CTNNA3: variants seen among roughly 807,000 people sequenced by gnomAD.
The protein encoded by CTNNA3 is catenin alpha 3.
In CTNNA3, 76 loss-of-function variants were observed where a neutral mutation model predicts 95.7. The ratio of observed to expected loss-of-function variants is 0.79; its 90% CI spans 0.66 to 0.96. CTNNA3 has a LOEUF of 0.96. CTNNA3 is among the 40% of genes least tolerant of loss of function. The pLI, the probability that CTNNA3 is intolerant of heterozygous loss-of-function variation, is 0.00. For synonymous variants in CTNNA3, 431 were observed against 374.4 expected (o/e 1.15, Z -1.74); for missense variants, 1,191 against 1,089.8 (o/e 1.09, Z -1.31).
intron 13 of CTNNA3, among the ~76,000 whole-genome samples, chr10:66,227,186 C>A (rs1432976729): frequency 1.3e-5 from 2 of 151,996 alleles, no homozygotes; most frequent in Non-Finnish European, 1.5e-5. Context: ...CTTTCTCTTG[C>A]CTAATTATTC....
intron 7 of CTNNA3, among the ~76,000 whole-genome samples, chr10:66,993,016 A>T (rs1224457704): frequency 2.0e-5 from 3 of 152,108 alleles, no homozygotes; most frequent in East Asian, 3.9e-4. Flanking sequence ...GAGGTTTTCT[A>T]AAAAATCATT....
intron 7 of CTNNA3, among the ~76,000 whole-genome samples, chr10:66,777,646 C>A (rs903760078): frequency 2.0e-5 from 3 of 152,004 alleles, no homozygotes; most frequent in African/African-American, 4.8e-5. Flanking sequence ...ACCTAAAGAA[C>A]CCAGCCCTTA....
chr10:66,456,929 A>T (rs956197610), intron 11 of CTNNA3, among the ~76,000 whole-genome samples: 1 of 151,978 alleles, frequency 6.6e-6, no homozygotes, highest in Non-Finnish European at 1.5e-5. Context: ...ACCCATCTCT[A>T]CAAATTTTTT....
At chr10:66,166,141 C>A (rs1008973460) in intron 13 of CTNNA3, among the ~76,000 whole-genome samples, 7 of 152,006 alleles carry the variant, frequency 4.6e-5, no homozygotes, top group Admixed American at 2.0e-4. Flanking sequence ...AAGAAGGTAA[C>A]TGCATTATTT....
intron 7 of CTNNA3, among the ~76,000 whole-genome samples, chr10:66,830,730 C>T (rs1017935114): frequency 2.6e-5 from 4 of 152,130 alleles, no homozygotes; most frequent in Non-Finnish European, 5.9e-5. Flanking sequence ...CTGCCTCAGC[C>T]TCCCGAGTAG....
At chr10:67,735,835 G>A (rs1841299730) in intron 1 of CTNNA3, among the ~76,000 whole-genome samples, 1 of 152,108 alleles carries the variant, frequency 6.6e-6, no homozygotes, top group Non-Finnish European at 1.5e-5. Context: ...CCTGAAAACA[G>A]ATGTTCAAAG....
rs1001458685 is a variant in CTNNA3 at position 66,950,500 on chromosome 10, CA to C, written c.1048-174977del. 3.9e-5 allele frequency among the ~76,000 whole-genome samples: 6 copies of C among 151,936 alleles called. No individual in the cohort carries two copies. In the East Asian group the frequency reaches 9.7e-4, roughly 24 times the overall value. ...CTCACTGAGACTCTAGTATATTAAA[CA>C]AAAGATCCTTATTTCCCTATCTTTG... On this transcript the variant is annotated intron_variant, in intron 7 of 17. Transcript: ENST00000433211.
At chr10:66,194,181 A>T (rs2086828715) in intron 13 of CTNNA3, among the ~76,000 whole-genome samples, 1 of 152,172 alleles carries the variant, frequency 6.6e-6, no homozygotes, top group African/African-American at 2.4e-5. Flanking sequence ...AAAACAGCAC[A>T]AAAATAGCAC....
At chr10:66,295,892 T>A (rs2091769750) in intron 12 of CTNNA3, among the ~76,000 whole-genome samples, 1 of 151,890 alleles carries the variant, frequency 6.6e-6, no homozygotes, top group African/African-American at 2.4e-5. Flanking sequence ...TGTATTAACA[T>A]TAACTCTTTT....
At chr10:67,443,951 T>C (rs1032443369) in intron 5 of CTNNA3, among the ~76,000 whole-genome samples, 1 of 152,214 alleles carries the variant, frequency 6.6e-6, no homozygotes, top group Admixed American at 6.5e-5. Context: ...AAGTCTTTAA[T>C]CCATCTTGAA....
rs540703797 is a variant in CTNNA3, at chr10:66,334,705, T to C, written c.1732+44447A>G. On this transcript the variant is annotated intron_variant, in intron 12 of 17. Coordinates refer to ENST00000433211, the MANE Select transcript of CTNNA3 (RefSeq NM_013266.4). ...TCAACTTTGGTGAATCTGACAATTA[T>C]GTGTCTTGGAGTTGCTCTTCTCGAG... Among the ~76,000 whole-genome samples the C allele has an allele frequency of 3.4e-3, 519 of 152,140 alleles. 5 individuals carry two copies. The highest frequency in any genetic ancestry group is 0.012 in the African/African-American group (487 of 41,542).
chr10:67,114,432 G>A (rs1859067554), intron 7 of CTNNA3, among the ~76,000 whole-genome samples: 1 of 151,982 alleles, frequency 6.6e-6, no homozygotes, highest in Non-Finnish European at 1.5e-5. Context: ...AAAAACATGA[G>A]TAAAAATCTA....
chr10:67,213,654 C>T (rs995944271), intron 6 of CTNNA3, among the ~76,000 whole-genome samples: 3 of 151,658 alleles, frequency 2.0e-5, no homozygotes, highest in Non-Finnish European at 3.0e-5. Flanking sequence ...CATTATTTCT[C>T]AGTTATAAGT....
chr10:67,158,783 G>T (rs552188016), intron 7 of CTNNA3, among the ~76,000 whole-genome samples: 1 of 151,496 alleles, frequency 6.6e-6, no homozygotes, highest in Non-Finnish European at 1.5e-5. Context: ...CGCTATCTTA[G>T]TTCACCAAAA....
At chr10:66,106,369 G>A (rs74142670) in intron 13 of CTNNA3, among the ~76,000 whole-genome samples, 1 of 130,210 alleles carries the variant, frequency 7.7e-6, no homozygotes, top group African/African-American at 2.7e-5. Flanking sequence ...GTGTGTGTGT[G>A]TGTGTGTGTT....
At chr10:67,614,761 C>A (rs1046551715) in intron 2 of CTNNA3, among the ~76,000 whole-genome samples, 3 of 152,054 alleles carry the variant, frequency 2.0e-5, no homozygotes, top group African/African-American at 4.8e-5. Flanking sequence ...GGTTGGGGAC[C>A]CCTGGGTTAA....
chr10:67,193,823 C>A (rs901055610), intron 6 of CTNNA3, among the ~76,000 whole-genome samples: 5 of 151,180 alleles, frequency 3.3e-5, no homozygotes, highest in Admixed American at 1.3e-4. Context: ...GTCTTTATGA[C>A]AGAACAATTT....
intron 5 of CTNNA3, among the ~76,000 whole-genome samples, chr10:67,344,590 T>C (rs191297198): frequency 6.6e-6 from 1 of 152,236 alleles, no homozygotes; most frequent in African/African-American, 2.4e-5. Flanking sequence ...TGTATGTGTC[T>C]ACGAATTTTT....
intron 11 of CTNNA3, among the ~76,000 whole-genome samples, chr10:66,451,397 A>G (rs1423982302): frequency 2.6e-5 from 4 of 152,144 alleles, no homozygotes; most frequent in Admixed American, 6.6e-5. Flanking sequence ...ATTGAGACAG[A>G]CAAATGAATA....
Sources: gnomAD v4.1 joint callset for allele counts (sites outside exome capture counted in the v4.1 genomes callset) on GRCh38, gnomAD v4.1.1 for gene constraint, MANE v1.5 for transcripts, NCBI Gene and HGNC (gene_info 2026-07-23, HGNC 2026-07-21) for gene names.